The following TG variants were observed in gnomAD, a reference collection of about 807,000 sequenced individuals.
TG encodes thyroid hormones.
Under a neutral mutation model 324.7 loss-of-function variants are expected in TG, and 270 were observed. That is an observed-to-expected ratio of 0.83 (90% CI 0.75 to 0.92). The LOEUF (loss-of-function observed/expected upper bound fraction) is 0.92, where lower values mean the gene tolerates loss of function less well. Among genes scored for constraint, TG ranks in the 40% least tolerant of loss-of-function variants. The pLI is 0.00. For missense variants in TG, 3,591 were observed against 3,456.4 expected (o/e 1.04, Z -0.98); for synonymous variants, 1,401 against 1,327.0 (o/e 1.06, Z -1.21).
At chr8:132,908,157 C>T (rs1554665103) in intron 17 of TG, 29 bp from the exon 18 acceptor site, 2 of 1,613,014 alleles carry the variant, frequency 1.2e-6, no homozygotes, top group African/African-American at 2.7e-5. Context: ...GGCCCATTGC[C>T]TCTGCTGATC....
intron 27 of TG, among the ~76,000 whole-genome samples, chr8:132,955,013 G>A (rs1021701555): frequency 5.9e-5 from 9 of 152,292 alleles, no homozygotes; most frequent in Non-Finnish European, 1.2e-4. Flanking sequence ...CAGCTGAGCA[G>A]GCCTTGGTTC....
At chr8:133,010,193 C>T (rs1474887789) in intron 35 of TG, among the ~76,000 whole-genome samples, 2 of 152,136 alleles carry the variant, frequency 1.3e-5, no homozygotes, top group East Asian at 3.9e-4. Flanking sequence ...AGTTATTTTC[C>T]AGCTCCATGT....
intron 41 of TG, among the ~76,000 whole-genome samples, chr8:133,081,403 G>T (rs1464547235): frequency 6.6e-6 from 1 of 152,204 alleles, no homozygotes; most frequent in Non-Finnish European, 1.5e-5. Flanking sequence ...AAAACCATCT[G>T]GGGGGAGAGC....
At chr8:132,898,729 C>G in intron 13 of TG, 69 bp from the exon 14 acceptor site, 1 of 1,389,784 alleles carries the variant, frequency 7.2e-7, no homozygotes, top group South Asian at 1.2e-5. Context: ...AAGGTGGGGT[C>G]AGCCTGGGAT....
intron 25 of TG, among the ~76,000 whole-genome samples, chr8:132,937,177 C>T (rs1044597974): frequency 3.3e-5 from 5 of 152,138 alleles, no homozygotes; most frequent in East Asian, 1.9e-4. Context: ...AAAGGGGGCT[C>T]GACCTGGGAC....
chr8:132,866,963 G>A lies in TG; in HGVS notation c.-38G>A. 1 of 1,539,142 alleles carries A rather than the reference G, an allele frequency of 6.5e-7. No individual in the cohort carries two copies. The highest frequency in any genetic ancestry group is 8.8e-7 in the Non-Finnish European group (1 of 1,130,456). ...CTGGCCAGGGGACCTAGGGCAAGCA[G>A]TGGTTTCTCCTCCTTCCTCCCAGGA... On this transcript the variant is annotated 5_prime_UTR_variant, in exon 1 of 48. It adds an upstream start codon to the 5' untranslated region. Transcript: ENST00000220616.
rs1258721562 is a variant in TG, at chr8:133,133,625, G to T, written c.8153G>T (p.Trp2718Leu). The change falls in exon 47 of 48, where the codon TGG becomes TTG. Residue 2718 changes from tryptophan to leucine, a missense_variant. Trp to Leu is a moderately conservative substitution (Grantham distance 61). Transcript: ENST00000220616. ...CTGAAGAAAGCCGACTGCTCCTTCTGGTCCAAGTACATCTCGTCTCTGAAG... is the reference window on the plus strand; with the variant it reads ...CTGAAGAAAGCCGACTGCTCCTTCTTGTCCAAGTACATCTCGTCTCTGAAG... ...QGLKKADCSF[W>L]SKYISSLKTS... 5 of 1,614,152 alleles carry T rather than the reference G, an allele frequency of 3.1e-6. No individual in the cohort carries two copies.
At chr8:133,119,635 C>T (rs1463195171) in intron 45 of TG, among the ~76,000 whole-genome samples, 2 of 152,150 alleles carry the variant, frequency 1.3e-5, no homozygotes, top group African/African-American at 4.8e-5. Flanking sequence ...CTAGTTACTC[C>T]CCAAAGGCCC....
intron 45 of TG, among the ~76,000 whole-genome samples, chr8:133,120,181 C>T (rs1851029211): frequency 6.6e-6 from 1 of 152,140 alleles, no homozygotes; most frequent in African/African-American, 2.4e-5. Context: ...GTAGAGATTA[C>T]AATGAAAGGT....
chr8:133,017,591 T>G (rs1401813041), intron 37 of TG, 187 bp from the exon 38 acceptor site: 4 of 650,054 alleles, frequency 6.2e-6, no homozygotes, highest in Non-Finnish European at 1.1e-5. Flanking sequence ...TTGCCATTTT[T>G]TTTGTTTGTT....
intron 25 of TG, 46 bp downstream of exon 25, chr8:132,935,910 C>G (rs372960747): frequency 3.3e-4 from 487 of 1,485,228 alleles, no homozygotes; most frequent in Non-Finnish European, 3.7e-4. Context: ...TGGCTTCACA[C>G]GGTCATGTTT....
chr8:132,932,529 A>G (rs1822870702), intron 23 of TG, among the ~76,000 whole-genome samples: 2 of 152,216 alleles, frequency 1.3e-5, no homozygotes, highest in African/African-American at 4.8e-5. Context: ...AATCAGTATT[A>G]ATAATATATG....
intron 22 of TG, among the ~76,000 whole-genome samples, chr8:132,924,281 G>C (rs11777756): frequency 2.0e-5 from 3 of 152,122 alleles, no homozygotes; most frequent in Non-Finnish European, 4.4e-5. Flanking sequence ...GCGGAGCTCA[G>C]GCAGTAATGC....
chr8:133,074,788 A>T (rs1249246029), intron 41 of TG: 22 of 916,348 alleles, frequency 2.4e-5, no homozygotes, highest in Non-Finnish European at 2.6e-5. Flanking sequence ...ACCCCTGCCA[A>T]CTGCGTGTTG....
rs1229345000 is a variant in TG at position 133,019,610 on chromosome 8, G to A, written c.6791G>A (p.Cys2264Tyr). ...CCAGTCTGTATCTGCAGGGCCAGCT[G>A]CTGGCAGCCAGGCACCAGAACATCC... ...SWDASKPRAS[C>Y]WQPGTRTSTS... The change falls in exon 39 of 48, where the codon TGC (cysteine) becomes TAC (tyrosine). Residue 2264 changes from cysteine to tyrosine, a missense_variant. Coordinates refer to ENST00000220616, the MANE Select transcript of TG (RefSeq NM_003235.5). 8 of 1,613,548 alleles carry A rather than the reference G, an allele frequency of 5.0e-6. No homozygotes were observed. The Admixed American group carries it at 1.3e-4, about 27-fold the overall frequency.
intron 43 of TG, among the ~76,000 whole-genome samples, chr8:133,098,501 T>C (rs1396202699): frequency 6.6e-6 from 1 of 152,220 alleles, no homozygotes; most frequent in Non-Finnish European, 1.5e-5. Context: ...ACCTCCTTAT[T>C]TGATACCCTC....
chr8:132,933,729 T>G, intron 24 of TG, 53 bp downstream of exon 24: 1 of 1,549,234 alleles, frequency 6.5e-7, no homozygotes, highest in African/African-American at 1.4e-5. Flanking sequence ...GTGGATCAGA[T>G]GTGCTCTGAG....
At chr8:132,909,510 C>T (rs1192639925) in intron 18 of TG, among the ~76,000 whole-genome samples, 3 of 152,156 alleles carry the variant, frequency 2.0e-5, no homozygotes, top group Non-Finnish European at 4.4e-5. Context: ...GGGACCTAGT[C>T]CTAATGACTT....
chr8:133,053,302 C>T (rs1840770773), intron 41 of TG, among the ~76,000 whole-genome samples: 1 of 152,196 alleles, frequency 6.6e-6, no homozygotes, highest in South Asian at 2.1e-4. Context: ...CTGTCCCCAC[C>T]CCCGGCTGTG....
Sources: gnomAD v4.1 joint callset for allele counts (sites outside exome capture counted in the v4.1 genomes callset) on GRCh38, gnomAD v4.1.1 for gene constraint, MANE v1.5 for transcripts, NCBI Gene and HGNC (gene_info 2026-07-23, HGNC 2026-07-21) for gene names.